Variants in PCDHGB3 observed in about 807,000 individuals in gnomAD.
PCDHGB3 encodes protocadherin gamma subfamily B, 3.
Under a neutral mutation model 59.2 loss-of-function variants are expected in PCDHGB3, and 40 were observed. The ratio of observed to expected loss-of-function variants is 0.68; its 90% confidence interval spans 0.52 to 0.88. The LOEUF (loss-of-function observed/expected upper bound fraction) is 0.88, where lower values mean the gene tolerates loss of function less well. PCDHGB3 is among the 40% of genes least tolerant of loss of function. The pLI, the probability that PCDHGB3 is intolerant of heterozygous loss-of-function variation, is 0.00. For missense variants in PCDHGB3, 1,309 were observed against 1,187.9 expected, an observed-to-expected ratio of 1.10 and a Z score of -1.50; for synonymous variants, 581 against 503.6, an observed-to-expected ratio of 1.15 and a Z score of -2.06.
chr5:141,503,825 CA>C (rs2154593417), intron 2 of PCDHGB3, among the ~76,000 whole-genome samples: 1 of 152,186 alleles, frequency 6.6e-6, no homozygotes, highest in Non-Finnish European at 1.5e-5. Flanking sequence ...TGGGCAAAAC[CA>C]AAAGCAGGGA....
At chr5:141,374,599 C>T (rs948691402) in intron 1 of PCDHGB3, 10 of 1,613,528 alleles carry the variant, frequency 6.2e-6, no homozygotes, top group African/African-American at 1.3e-5. Context: ...GATTTAAGCT[C>T]AGTGGTAATA....
At chr5:141,374,203 G>A (rs375029709) in intron 1 of PCDHGB3, 16 of 1,613,808 alleles carry the variant, frequency 9.9e-6, no homozygotes, top group Non-Finnish European at 1.1e-5. Flanking sequence ...AGGAGCTGGA[G>A]AAAGGCTCCT....
chr5:141,398,938 G>T (rs201463346), intron 1 of PCDHGB3: 467 of 1,613,840 alleles, frequency 2.9e-4, no homozygotes, highest in Non-Finnish European at 3.7e-4. Context: ...TGACCAAGAC[G>T]AGGGCATCAA....
At position 141,414,686 on chromosome 5, in the gene PCDHGB3, C is replaced by A. The variant is rs201724090; in HGVS notation, c.2415+41877C>A. On this transcript the variant is annotated intron_variant, in intron 1 of 3. Coordinates refer to ENST00000576222, the MANE Select transcript of PCDHGB3 (RefSeq NM_018924.5). ...GCTGAAGACACCATCCAGGGGGTAC[C>A]TCTGTCCTCATACATATCCATCAAC... 57 of 1,613,924 alleles carry A rather than the reference C, an allele frequency of 3.5e-5. No homozygotes were observed. The highest frequency in any genetic ancestry group is 1.6e-4 in the Middle Eastern group (1 of 6,084).
chr5:141,450,071 A>G (rs1039802551), intron 1 of PCDHGB3, among the ~76,000 whole-genome samples: 3 of 139,286 alleles, frequency 2.2e-5, no homozygotes, highest in Non-Finnish European at 3.0e-5. Flanking sequence ...CAGTGGTATG[A>G]TCTTGGCTCA....
chr5:141,393,879 G>A, intron 1 of PCDHGB3: 1 of 1,614,010 alleles, frequency 6.2e-7, no homozygotes, highest in Non-Finnish European at 8.5e-7. Context: ...GTTTAGCCCA[G>A]TGTTAGAAAA....
At position 141,375,343 on chromosome 5, in the gene PCDHGB3, C is replaced by T. The variant is rs114810218; in HGVS notation, c.2415+2534C>T. 5.4e-3 allele frequency: 8,654 copies of T among 1,613,832 alleles called. 30 individuals are homozygous for T. Among genetic ancestry groups the T allele is most frequent in the Non-Finnish European group, 6.4e-3 (7,546 of 1,179,894 alleles). The stretch of plus-strand genomic sequence containing the variant: ...GGGAAGAGGTATTCTTGTACAACAT[C>T]ACTGTGACAGCCACGGACAAAGGAA... On this transcript the variant is annotated intron_variant, in intron 1 of 3. Transcript: ENST00000576222.
intron 1 of PCDHGB3, chr5:141,400,348 C>T (rs745917638): frequency 1.9e-6 from 3 of 1,614,050 alleles, no homozygotes; most frequent in South Asian, 1.1e-5. Context: ...CAACTACAGT[C>T]AGGGGACTTT....
chr5:141,422,066 A>G, intron 1 of PCDHGB3: 1 of 1,612,154 alleles, frequency 6.2e-7, no homozygotes. Context: ...GAAGTAATGT[A>G]TTCATTTCGG....
intron 1 of PCDHGB3, chr5:141,382,788 ATCCT>A: frequency 1.1e-6 from 1 of 917,668 alleles, no homozygotes; most frequent in Non-Finnish European, 1.7e-6. Flanking sequence ...TCAAGCCTCT[ATCCT>A]GCTGGATTCT....
At position 141,371,726 on chromosome 5, in the gene PCDHGB3, T is replaced by A. The variant is rs769173416; in HGVS notation, c.1332T>A (p.Asp444Glu). The A allele has an allele frequency of 9.9e-6, 16 of 1,613,932 alleles. 2 individuals carry two copies. In the South Asian group the frequency reaches 1.3e-4, roughly 13 times the overall value. The stretch of plus-strand genomic sequence containing the variant: ...AGACCATCACTCTGCACATCCTTGA[T>A]GTCAACGACAACGTTCCCGTTTTCC... The part of the protein sequence containing the change: ...SSKTITLHIL[D>E]VNDNVPVFHQ... Residue 444 changes from aspartate to glutamate, a missense_variant, in exon 1 of 4, where the codon GAT (aspartate) becomes GAA (glutamate). Coordinates refer to ENST00000576222, the MANE Select transcript of PCDHGB3 (RefSeq NM_018924.5).
chr5:141,489,166 C>A lies in PCDHGB3; in HGVS notation c.2416-5641C>A. The A allele has an allele frequency of 9.1e-7, 1 of 1,099,536 alleles. No individual in the cohort carries two copies. The highest frequency in any genetic ancestry group is 1.3e-6 in the Non-Finnish European group (1 of 761,554). The allele number at this position is 1,099,536 out of a possible 1,614,324, so 68.1% of individuals were successfully genotyped here. ...AAGGAGACATAAGAGACTTCAGCTGCTGCATTCCAAGCCCTGGGTCTACCT... is the reference window on the plus strand; with the variant it reads ...AAGGAGACATAAGAGACTTCAGCTGATGCATTCCAAGCCCTGGGTCTACCT... On this transcript the variant is annotated intron_variant, in intron 1 of 3. Transcript: ENST00000576222. This position sits in a 1 kb window ranked among gnomAD's most constrained non-coding sequence, Gnocchi z 4.5.
intron 1 of PCDHGB3, among the ~76,000 whole-genome samples, chr5:141,463,438 CTTTTT>C (rs71576115): frequency 7.7e-5 from 8 of 103,256 alleles, no homozygotes; most frequent in African/African-American, 2.7e-4. Flanking sequence ...TTTCCTTCTC[CTTTTT>C]TTTTTTTTTT....
At chr5:141,426,919 C>A (rs1220443930) in intron 1 of PCDHGB3, 3 of 456,620 alleles carry the variant, frequency 6.6e-6, no homozygotes, top group African/African-American at 6.0e-5. Context: ...GTCCTGGAAG[C>A]AATGGACATG....
chr5:141,389,524 G>A, intron 1 of PCDHGB3: 5 of 1,613,146 alleles, frequency 3.1e-6, no homozygotes, highest in South Asian at 1.1e-5. Context: ...GTGAGCCTGC[G>A]CGTGTTAGTG....
intron 1 of PCDHGB3, chr5:141,390,457 G>T: frequency 1.3e-6 from 1 of 767,062 alleles, no homozygotes; most frequent in South Asian, 1.9e-5. Flanking sequence ...GAGTAAAGTA[G>T]GAGCAATTGT....
intron 1 of PCDHGB3, chr5:141,391,093 C>A (rs1473023690): frequency 6.6e-6 from 1 of 152,148 alleles, no homozygotes; most frequent in Non-Finnish European, 1.5e-5. Flanking sequence ...GCCTTATCTG[C>A]AGCCCTAAAC....
At chr5:141,433,732 G>A (rs1181042854) in intron 1 of PCDHGB3, among the ~76,000 whole-genome samples, 2 of 151,886 alleles carry the variant, frequency 1.3e-5, no homozygotes, top group Non-Finnish European at 2.9e-5. Flanking sequence ...AGCTACTTGG[G>A]AGGCTGAGTC....
intron 1 of PCDHGB3, among the ~76,000 whole-genome samples, chr5:141,444,012 G>T (rs1355186604): frequency 1.3e-5 from 2 of 152,058 alleles, no homozygotes; most frequent in African/African-American, 4.8e-5. Flanking sequence ...CTGGGTATTG[G>T]CTTCTAAAAG....
Sources: gnomAD v4.1 joint callset for allele counts (sites outside exome capture counted in the v4.1 genomes callset) on GRCh38, gnomAD v4.1.1 for gene constraint, Gnocchi (gnomAD v3.1) non-coding constraint, MANE v1.5 for transcripts, NCBI Gene and HGNC (gene_info 2026-07-23, HGNC 2026-07-21) for gene names.